The following DNAH9 variants were observed in gnomAD, a reference collection of about 807,000 sequenced individuals.
DNAH9 encodes dynein axonemal heavy chain 9.
Under a neutral mutation model 471.6 loss-of-function variants are expected in DNAH9, and 345 were observed. The ratio of observed to expected loss-of-function variants is 0.73; its 90% CI spans 0.67 to 0.80. The LOEUF (loss-of-function observed/expected upper bound fraction) is 0.80, where lower values mean the gene tolerates loss of function less well. Among genes scored for constraint, DNAH9 ranks in the 30% least tolerant of loss-of-function variants. The pLI, the probability that DNAH9 is intolerant of heterozygous loss-of-function variation, is 0.00. For synonymous variants in DNAH9, 2,093 were observed against 2,123.6 expected, an observed-to-expected ratio of 0.99 and a Z score of 0.40; for missense variants, 5,407 against 5,609.2, an observed-to-expected ratio of 0.96 and a Z score of 1.15.
rs199706455 is a variant in DNAH9, at chr17:11,716,864, GTCC to G, written c.5553-2465_5553-2463del. ...AAGACTCTGCTAGTTCAGACAGCTT[GTCC>G]TCCTGGGAGGCAGGGGGCCATGGCA... On this transcript the variant is annotated intron_variant, in intron 26 of 68. Coordinates refer to ENST00000262442, the MANE Select transcript of DNAH9 (RefSeq NM_001372.4). Among the ~76,000 whole-genome samples the G allele has an allele frequency of 7.3e-3, 1,111 of 152,292 alleles. 13 individuals are homozygous for G. The highest frequency in any genetic ancestry group is 0.025 in the African/African-American group (1,028 of 41,558).
chr17:11,704,618 T>A (rs938478738), intron 25 of DNAH9, among the ~76,000 whole-genome samples, 176 bp downstream of exon 25: 4 of 150,908 alleles, frequency 2.7e-5, no homozygotes, highest in Non-Finnish European at 5.9e-5. Context: ...AGTTTCGCTC[T>A]TATTGCCCAG....
Position 11,651,987 on chromosome 17 carries a change from T to A in DNAH9, c.2353+663T>A, listed in dbSNP as rs114818151. On this transcript the variant is annotated intron_variant, in intron 13 of 68. Transcript: ENST00000262442. The stretch of plus-strand genomic sequence containing the variant: ...TAATTCGAATTAGGGTCCTCAGAAG[T>A]GTTAAAGTTTGAAAAAAAAAGATTA... Among the ~76,000 whole-genome samples, 333 of 151,998 alleles carry A rather than the reference T, an allele frequency of 2.2e-3. 1 individual carries two copies. The highest frequency in any genetic ancestry group is 7.0e-3 in the African/African-American group (291 of 41,444).
intron 67 of DNAH9, among the ~76,000 whole-genome samples, chr17:11,949,018 T>C (rs1264991672): frequency 1.3e-5 from 2 of 152,192 alleles, no homozygotes; most frequent in African/African-American, 4.8e-5. Context: ...TGGAAGTTCC[T>C]GGCCTCATTC....
At chr17:11,868,440 C>T (rs116387348) in intron 50 of DNAH9, among the ~76,000 whole-genome samples, 3,366 of 152,156 alleles carry the variant, frequency 0.022, 123 homozygotes, top group African/African-American at 0.074. Context: ...ACAAAAGCTA[C>T]GTACTTCAAT....
At chr17:11,877,918 T>C (rs1751147658) in intron 53 of DNAH9, among the ~76,000 whole-genome samples, 1 of 152,142 alleles carries the variant, frequency 6.6e-6, no homozygotes, top group South Asian at 2.1e-4. Flanking sequence ...GTATTTTTTG[T>C]AGAGACAGGG....
chr17:11,834,876 C>A lies in DNAH9; in HGVS notation c.9485C>A (p.Ala3162Glu), dbSNP rs759503466. 8 of 1,613,120 alleles carry A rather than the reference C, an allele frequency of 5.0e-6. No homozygotes were observed. The highest frequency in any genetic ancestry group is 1.3e-5 in the African/African-American group (1 of 74,896). Residue 3162 changes from alanine to glutamate, a missense_variant, in exon 49 of 69, where the codon GCA becomes GAA. Ala to Glu is a moderately radical substitution (Grantham distance 107, BLOSUM62 -1). This residue lies in a region of DNAH9 where 4,636 missense variants were observed against 4,900.3 expected (regional missense o/e 0.95). Transcript: ENST00000262442. Reference sequence around the variant, plus strand: ...GAGCCAGCACTCACAGCAGCGCAGGCAGCTCTCAACACCCTGAACAAGGTA... The same window carrying A: ...GAGCCAGCACTCACAGCAGCGCAGGAAGCTCTCAACACCCTGAACAAGGTA... The part of the protein sequence containing the change: ...KAEPALTAAQ[A>E]ALNTLNKTNL...
At chr17:11,682,967 A>C (rs2074161745) in intron 19 of DNAH9, among the ~76,000 whole-genome samples, 1 of 152,196 alleles carries the variant, frequency 6.6e-6, no homozygotes, top group Non-Finnish European at 1.5e-5. Flanking sequence ...ACTATCTTTC[A>C]GAGTCTGAGG....
chr17:11,952,309 CTTTTTTTTT>C (rs753276964), intron 67 of DNAH9, among the ~76,000 whole-genome samples: 108 of 71,088 alleles, frequency 1.5e-3, no homozygotes, highest in African/African-American at 4.1e-3. Flanking sequence ...CCAGCTAATT[CTTTTTTTTT>C]TTTTTTTTTT....
chr17:11,850,650 C>CA (rs35966472), intron 49 of DNAH9, among the ~76,000 whole-genome samples: 55,407 of 138,846 alleles, frequency 0.4, 11,557 homozygotes, highest in Admixed American at 0.55. Flanking sequence ...GACTCCATGT[C>CA]AAAAAAAAAA....
intron 27 of DNAH9, among the ~76,000 whole-genome samples, chr17:11,721,596 A>C (rs2075060064): frequency 6.6e-6 from 1 of 152,132 alleles, no homozygotes; most frequent in Admixed American, 6.5e-5. Flanking sequence ...GGATGCCAAA[A>C]ACAGATCATA....
chr17:11,706,043 TTAAG>T (rs1265399925), intron 26 of DNAH9, among the ~76,000 whole-genome samples: 2 of 152,294 alleles, frequency 1.3e-5, no homozygotes, highest in African/African-American at 2.4e-5. Context: ...TGAAGAACTC[TTAAG>T]TAAGTGAATA....
intron 41 of DNAH9, among the ~76,000 whole-genome samples, chr17:11,786,632 C>T (rs917956289): frequency 1.3e-5 from 2 of 152,174 alleles, no homozygotes; most frequent in African/African-American, 2.4e-5. Context: ...GTCTCTTGAG[C>T]GTGACTGCAT....
At chr17:11,844,596 G>T (rs183163810) in intron 49 of DNAH9, among the ~76,000 whole-genome samples, 1 of 152,012 alleles carries the variant, frequency 6.6e-6, no homozygotes, top group Non-Finnish European at 1.5e-5. Flanking sequence ...TAGTAGAGAC[G>T]GAGTTTCACC....
At chr17:11,835,560 C>T (rs1189524155) in intron 49 of DNAH9, among the ~76,000 whole-genome samples, 2 of 152,032 alleles carry the variant, frequency 1.3e-5, no homozygotes. Flanking sequence ...CTTTTTTTCC[C>T]ACTTGGATAA....
At position 11,929,987 on chromosome 17, in the gene DNAH9, G is replaced by C. The variant is rs753833991; in HGVS notation, c.11999G>C (p.Gly4000Ala). The C allele has an allele frequency of 5.6e-5, 91 of 1,613,930 alleles. 1 individual carries two copies. The highest frequency in any genetic ancestry group is 6.9e-5 in the Non-Finnish European group (82 of 1,180,012). The change falls in exon 63 of 69, where the codon GGC becomes GCC. Residue 4000 changes from glycine (G) to alanine (A), a missense_variant. This residue lies in a region of DNAH9 where 4,636 missense variants were observed against 4,900.3 expected (regional missense o/e 0.95). Transcript: ENST00000262442. ...GCAGAGCCAGCACCCTCCCCTGAGG[G>C]CCACATCATCCCCCAGGGCATCCTG... ...MSAEPAPSPE[G>A]HIIPQGILEN...
chr17:11,823,717 G>A (rs1220522577), intron 48 of DNAH9, among the ~76,000 whole-genome samples: 1 of 152,060 alleles, frequency 6.6e-6, no homozygotes, highest in Non-Finnish European at 1.5e-5. Context: ...GGATCACGAG[G>A]TCAGGAGATC....
Position 11,845,413 on chromosome 17 carries a change from CA to C in DNAH9, c.9508-8589del, listed in dbSNP as rs1382914685. 3.3e-5 allele frequency among the ~76,000 whole-genome samples: 5 copies of C among 150,740 alleles called. No homozygotes were observed. In the East Asian group the frequency reaches 7.7e-4, roughly 23 times the overall value. ...CTTAATCCAGTCTATCATTTTTGGA[CA>C]TTTGGGTTGGTTCCAAGTCTTTGCT... On this transcript the variant is annotated intron_variant, in intron 49 of 68. Transcript: ENST00000262442.
chr17:11,844,914 T>A (rs1427638382), intron 49 of DNAH9, among the ~76,000 whole-genome samples: 2 of 152,142 alleles, frequency 1.3e-5, no homozygotes, highest in Admixed American at 1.3e-4. Context: ...TACGTTGAGC[T>A]TTTTTTCATA....
intron 20 of DNAH9, among the ~76,000 whole-genome samples, chr17:11,690,696 A>C (rs80166343): frequency 6.6e-6 from 1 of 152,048 alleles, no homozygotes; most frequent in Non-Finnish European, 1.5e-5. Context: ...GAAAAAAAAA[A>C]ATGTATATAT....
Sources: allele counts gnomAD v4.1 joint callset (sites outside exome capture counted in the v4.1 genomes callset), GRCh38; gene constraint gnomAD v4.1.1; regional missense constraint gnomAD v4.1.1; transcripts MANE v1.5; gene names NCBI Gene and HGNC (gene_info 2026-07-23, HGNC 2026-07-21).